The following RBMS1 variants were observed in gnomAD, a reference collection of about 807,000 sequenced individuals.
RBMS1 encodes the protein RNA binding motif single stranded interacting protein 1.
Under a neutral mutation model 62.3 loss-of-function variants are expected in RBMS1, and 17 were observed. That is an observed-to-expected ratio of 0.27 (90% CI 0.19 to 0.41). The LOEUF (loss-of-function observed/expected upper bound fraction) is 0.41. Ranked by LOEUF, RBMS1 falls within the 10% of genes least tolerant of loss-of-function variation. RBMS1 has a pLI of 1.00. For synonymous variants in RBMS1, 172 were observed against 170.0 expected (o/e 1.01, Z -0.09); for missense variants, 334 against 504.5 (o/e 0.66, Z 3.24).
At chr2:160,442,203 A>G (rs766976253) in intron 1 of RBMS1, among the ~76,000 whole-genome samples, 8 of 152,168 alleles carry the variant, frequency 5.3e-5, no homozygotes, top group Non-Finnish European at 1.0e-4. Flanking sequence ...TTTTTATGTC[A>G]TGTGCAAAAA....
chr2:160,465,270 A>G (rs1684640718), intron 1 of RBMS1, among the ~76,000 whole-genome samples: 1 of 152,200 alleles, frequency 6.6e-6, no homozygotes, highest in African/African-American at 2.4e-5. Context: ...GAAATTCAAG[A>G]TTAAGTGTTT....
intron 1 of RBMS1, among the ~76,000 whole-genome samples, chr2:160,430,979 G>A (rs1682870844): frequency 6.6e-6 from 1 of 151,160 alleles, no homozygotes; most frequent in Non-Finnish European, 1.5e-5. Flanking sequence ...GGTTACCTGT[G>A]ATATTGTATA....
At chr2:160,283,398 C>T (rs1311035106) in intron 9 of RBMS1, 10 of 152,080 alleles carry the variant, frequency 6.6e-5, no homozygotes, top group Admixed American at 6.5e-4. Flanking sequence ...TCCAAAACAA[C>T]TAAAGAGGCA....
intron 2 of RBMS1, among the ~76,000 whole-genome samples, chr2:160,334,169 T>C (rs866583323): frequency 6.6e-6 from 1 of 152,114 alleles, no homozygotes; most frequent in Non-Finnish European, 1.5e-5. Context: ...TGACACAACA[T>C]TATGTAAGGA....
intron 1 of RBMS1, among the ~76,000 whole-genome samples, chr2:160,432,773 AGAG>A (rs1400397331): frequency 6.6e-6 from 1 of 152,210 alleles, no homozygotes; most frequent in Non-Finnish European, 1.5e-5. Context: ...AGAAGGAGCC[AGAG>A]CTTTGGGAAA....
At chr2:160,336,466 C>A (rs949521189) in intron 2 of RBMS1, among the ~76,000 whole-genome samples, 3 of 151,984 alleles carry the variant, frequency 2.0e-5, no homozygotes, top group African/African-American at 7.2e-5. Context: ...ATGAAGAAAC[C>A]AAATACACAT....
intron 2 of RBMS1, among the ~76,000 whole-genome samples, chr2:160,363,258 T>C (rs1190758418): frequency 3.3e-5 from 5 of 152,222 alleles, no homozygotes; most frequent in Non-Finnish European, 7.3e-5. Flanking sequence ...CTGTTTAAGA[T>C]GATACGCTGT....
intron 1 of RBMS1, among the ~76,000 whole-genome samples, chr2:160,471,032 C>T (rs1443304250): frequency 6.6e-6 from 1 of 152,176 alleles, no homozygotes; most frequent in Non-Finnish European, 1.5e-5. Flanking sequence ...TGGGGATAAG[C>T]TGTGGGAAAA....
Position 160,447,054 on chromosome 2 carries a change from C to T in RBMS1, c.75+46235G>A, listed in dbSNP as rs748498157. 5.3e-5 allele frequency among the ~76,000 whole-genome samples: 8 copies of T among 152,128 alleles called. No individual in the cohort carries two copies. The South Asian group carries it at 1.2e-3, about 24-fold the overall frequency. Reference sequence around the variant, plus strand: ...AGTAGAATGTGTTAATCAGTATAGACGAAGTACTTACGAAATAACCTTCAA... The same window carrying T: ...AGTAGAATGTGTTAATCAGTATAGATGAAGTACTTACGAAATAACCTTCAA... On this transcript the variant is annotated intron_variant, in intron 1 of 13. Transcript: ENST00000348849.
chr2:160,305,859 G>A (rs1689476849), intron 4 of RBMS1, among the ~76,000 whole-genome samples: 1 of 152,068 alleles, frequency 6.6e-6, no homozygotes, highest in African/African-American at 2.4e-5. Context: ...AATATTGTGA[G>A]GCCAGGCACA....
At chr2:160,429,404 C>T (rs576374001) in intron 1 of RBMS1, among the ~76,000 whole-genome samples, 7 of 152,218 alleles carry the variant, frequency 4.6e-5, no homozygotes, top group Admixed American at 3.3e-4. Flanking sequence ...ATTAAGTAAG[C>T]TCTTGGAAAA....
intron 1 of RBMS1, among the ~76,000 whole-genome samples, chr2:160,389,341 G>A (rs541709649): frequency 1.3e-5 from 2 of 152,312 alleles, no homozygotes; most frequent in South Asian, 4.1e-4. Flanking sequence ...AGAGGTTCCA[G>A]TGCTCAAAGA....
intron 1 of RBMS1, among the ~76,000 whole-genome samples, chr2:160,486,589 G>T (rs1275584746): frequency 6.6e-6 from 1 of 152,188 alleles, no homozygotes; most frequent in African/African-American, 2.4e-5. Context: ...ATGGATTCCA[G>T]GGCCCATATT....
At chr2:160,472,910 C>A (rs1684978066) in intron 1 of RBMS1, among the ~76,000 whole-genome samples, 1 of 152,134 alleles carries the variant, frequency 6.6e-6, no homozygotes, top group Non-Finnish European at 1.5e-5. Context: ...GTTAAGAGTT[C>A]CAAGAATGAC....
chr2:160,312,534 A>C (rs1220643494), intron 4 of RBMS1, among the ~76,000 whole-genome samples: 1 of 152,340 alleles, frequency 6.6e-6, no homozygotes, highest in East Asian at 1.9e-4. Flanking sequence ...CATCTAAAAT[A>C]TGCTAAAAGT....
intron 1 of RBMS1, chr2:160,407,879 C>T (rs1024898696): frequency 1.0e-4 from 98 of 980,982 alleles, no homozygotes; most frequent in Non-Finnish European, 1.2e-4. Context: ...GCGTCCCCAC[C>T]TACCGCGGCC....
At chr2:160,447,897 G>C (rs528788005) in intron 1 of RBMS1, among the ~76,000 whole-genome samples, 2 of 152,322 alleles carry the variant, frequency 1.3e-5, no homozygotes, top group East Asian at 3.9e-4. Flanking sequence ...CTTTCCCCAA[G>C]ACTCTGATCT....
intron 1 of RBMS1, among the ~76,000 whole-genome samples, chr2:160,466,336 AAAATAT>A (rs1178684233): frequency 2.0e-5 from 3 of 152,198 alleles, no homozygotes; most frequent in African/African-American, 7.2e-5. Context: ...TGAATATAAC[AAAATAT>A]AAATATAAAA....
chr2:160,322,573 T>G (rs537643207), intron 2 of RBMS1, among the ~76,000 whole-genome samples: 8 of 152,334 alleles, frequency 5.3e-5, no homozygotes, highest in Admixed American at 2.6e-4. Context: ...CAGAAACGGA[T>G]TCCACTCTGT....
Sources: allele counts gnomAD v4.1 joint callset (sites outside exome capture counted in the v4.1 genomes callset), GRCh38; gene constraint gnomAD v4.1.1; transcripts MANE v1.5; gene names NCBI Gene and HGNC (gene_info 2026-07-23, HGNC 2026-07-21).